MYO5B: variants seen among roughly 807,000 people sequenced by gnomAD.
MYO5B encodes unconventional myosin-Vb.
Under a neutral mutation model 229.3 loss-of-function variants are expected in MYO5B, and 143 were observed. That is an observed-to-expected ratio of 0.62 (90% CI 0.54 to 0.72). The LOEUF is 0.72. Ranked by LOEUF, MYO5B falls within the 30% of genes least tolerant of loss-of-function variation. The pLI is 0.00. For synonymous variants in MYO5B, 918 were observed against 885.2 expected (o/e 1.04, Z -0.66); for missense variants, 2,321 against 2,331.0 (o/e 1.00, Z 0.09).
In MYO5B at chr18:49,928,124, CAT is replaced by C. The variant is rs551925303; in HGVS notation, c.2090+1386_2090+1387del. On this transcript the variant is annotated intron_variant, in intron 17 of 39. Transcript: ENST00000285039. ...AGAAGATATACAAATGGCCAACAAACATGTGAAAAAATGCTCAACATCACTAA... is the reference window on the plus strand; with the variant it reads ...AGAAGATATACAAATGGCCAACAAACGTGAAAAAATGCTCAACATCACTAA... Among the ~76,000 whole-genome samples the C allele has an allele frequency of 2.6e-4, 39 of 152,164 alleles. No homozygotes were observed. In the East Asian group the frequency reaches 5.6e-3, roughly 22 times the overall value.
chr18:49,827,007 T>A (rs1352658420), intron 39 of MYO5B, among the ~76,000 whole-genome samples: 1 of 152,020 alleles, frequency 6.6e-6, no homozygotes, highest in Non-Finnish European at 1.5e-5. Context: ...CTGGGCAAAT[T>A]CCTGAATTTT....
chr18:49,851,762 G>A (rs1289936805), intron 31 of MYO5B, among the ~76,000 whole-genome samples: 9 of 152,150 alleles, frequency 5.9e-5, no homozygotes, highest in African/African-American at 1.9e-4. Flanking sequence ...CAAGCACCTT[G>A]TGCTGTGGTT....
In MYO5B at chr18:49,999,387, C is replaced by T. The variant is rs574713563; in HGVS notation, c.612+1868G>A. ...AAGGCCACAGTCCACAAACGGCTTC[C>T]GACCTGGGCCGTGGCCATGCCTCAG... On this transcript the variant is annotated intron_variant, in intron 5 of 39. Transcript: ENST00000285039. 5.3e-5 allele frequency among the ~76,000 whole-genome samples: 8 copies of T among 152,352 alleles called. No individual in the cohort carries two copies. In the South Asian group the frequency reaches 1.0e-3, roughly 20 times the overall value.
chr18:50,070,018 C>CTTTTTTTTTTTTTTTTTTTTT (rs765610800), intron 1 of MYO5B, among the ~76,000 whole-genome samples: 1 of 110,070 alleles, frequency 9.1e-6, no homozygotes, highest in African/African-American at 3.8e-5. Flanking sequence ...GCAATTTAGT[C>CTTTTTTTTTTTTTTTTTTTTT]TTTTTTTTTT....
intron 39 of MYO5B, among the ~76,000 whole-genome samples, chr18:49,834,012 C>T (rs557095407): frequency 1.5e-3 from 229 of 152,300 alleles, no homozygotes; most frequent in Non-Finnish European, 2.7e-3. Flanking sequence ...ACTTCCCAGA[C>T]GTTCCCTCTG....
chr18:49,910,690 G>C (rs917846826), intron 18 of MYO5B, among the ~76,000 whole-genome samples: 5 of 152,152 alleles, frequency 3.3e-5, no homozygotes, highest in African/African-American at 1.2e-4. Context: ...AGCTAGACTT[G>C]AGCAGCTAAG....
At chr18:50,006,748 A>T (rs887945342) in intron 4 of MYO5B, among the ~76,000 whole-genome samples, 13 of 152,004 alleles carry the variant, frequency 8.6e-5, no homozygotes, top group African/African-American at 3.1e-4. Context: ...ACCGGGAGAG[A>T]GAGTGATGCA....
rs41337246 is a variant in MYO5B, at chr18:50,114,692, A to G, written c.28-59314T>C. 8.0e-3 allele frequency among the ~76,000 whole-genome samples: 1,217 copies of G among 152,320 alleles called. 11 individuals are homozygous for G. The highest frequency in any genetic ancestry group is 0.027 in the African/African-American group (1,140 of 41,574). On this transcript the variant is annotated intron_variant, in intron 1 of 39. Transcript: ENST00000285039. ...AAAGAACTAGAGGACCAGAAATAAG[A>G]GTTCATCCTTCTACTTGAGTGGCCA...
chr18:49,923,514 A>C (rs951356481), intron 17 of MYO5B, among the ~76,000 whole-genome samples: 11 of 152,216 alleles, frequency 7.2e-5, no homozygotes, highest in African/African-American at 2.7e-4. Context: ...ACCATTTTGC[A>C]TGGAGACAGC....
intron 17 of MYO5B, among the ~76,000 whole-genome samples, chr18:49,928,294 A>G (rs955327133): frequency 1.3e-5 from 2 of 152,232 alleles, no homozygotes; most frequent in Admixed American, 1.3e-4. Context: ...GGGAATGTAA[A>G]CTAGAACAAC....
rs181093693 is a variant in MYO5B, at chr18:49,868,185, A to T, written c.3604-3805T>A. Among the ~76,000 whole-genome samples, 52 of 152,340 alleles carry T rather than the reference A, an allele frequency of 3.4e-4. No homozygotes were observed. The East Asian group carries it at 6.4e-3, about 19-fold the overall frequency. On this transcript the variant is annotated intron_variant, in intron 27 of 39. Transcript: ENST00000285039. ...CCAAATAATATCAGAGACTGCCTTT[A>T]AGTGGCAGGAATATGGATTTTTTAA...
In MYO5B at chr18:50,137,896, A is replaced by G. The variant is rs116742543; in HGVS notation, c.27+56871T>C. Among the ~76,000 whole-genome samples the G allele has an allele frequency of 2.7e-3, 409 of 152,314 alleles. 1 individual carries two copies. Among genetic ancestry groups the G allele is most frequent in the African/African-American group, 9.2e-3 (382 of 41,570 alleles). On this transcript the variant is annotated intron_variant, in intron 1 of 39. Transcript: ENST00000285039. ...ATGCAGGAACAGAAAATCAAATACC[A>G]TATGTTCTCACTTATAAATGGGAAC...
At position 49,860,040 on chromosome 18, in the gene MYO5B, C is replaced by A. The variant is rs189866772; in HGVS notation, c.3945-3150G>T. 7.2e-3 allele frequency among the ~76,000 whole-genome samples: 1,102 copies of A among 152,270 alleles called. 5 individuals carry two copies. Among genetic ancestry groups the A allele is most frequent in the Non-Finnish European group, 0.012 (840 of 68,004 alleles). ...GGTGCGCCCGACCAAGCCCAGGTGCCAATGCCTGGAGGCCTCCTGTCTTGC... is the reference window on the plus strand; with the variant it reads ...GGTGCGCCCGACCAAGCCCAGGTGCAAATGCCTGGAGGCCTCCTGTCTTGC... On this transcript the variant is annotated intron_variant, in intron 29 of 39. Coordinates refer to ENST00000285039, the MANE Select transcript of MYO5B (RefSeq NM_001080467.3).
At chr18:50,150,955 G>A (rs72921717) in intron 1 of MYO5B, among the ~76,000 whole-genome samples, 14,067 of 152,224 alleles carry the variant, frequency 0.092, 739 homozygotes, top group East Asian at 0.19. Flanking sequence ...CACAGGCAAG[G>A]CCTCTGCCCC....
chr18:50,176,629 G>T (rs2033000541), intron 1 of MYO5B, among the ~76,000 whole-genome samples: 1 of 152,084 alleles, frequency 6.6e-6, no homozygotes, highest in African/African-American at 2.4e-5. Context: ...ACTTCTTGAT[G>T]GTCAAAGAGC....
At chr18:50,064,599 T>C (rs1415802671) in intron 1 of MYO5B, among the ~76,000 whole-genome samples, 1 of 152,224 alleles carries the variant, frequency 6.6e-6, no homozygotes, top group African/African-American at 2.4e-5. Flanking sequence ...ATAATCCAAC[T>C]TTTAAAATCC....
chr18:49,967,319 C>A (rs912653209), intron 10 of MYO5B, among the ~76,000 whole-genome samples: 1 of 152,186 alleles, frequency 6.6e-6, no homozygotes, highest in Non-Finnish European at 1.5e-5. Flanking sequence ...AATAAAAAGT[C>A]AATTAGTCAC....
In MYO5B at chr18:50,159,577, A is replaced by C. The variant is rs547723988; in HGVS notation, c.27+35190T>G. Among the ~76,000 whole-genome samples the C allele has an allele frequency of 2.2e-4, 34 of 152,294 alleles. 1 individual carries two copies. The South Asian group carries it at 7.0e-3, about 32-fold the overall frequency. ...AGGCCACCGTGCTTCTCATGCTCAC[A>C]GTGGCTTTCTCTGCCCACATCATGT... On this transcript the variant is annotated intron_variant, in intron 1 of 39. Coordinates refer to ENST00000285039, the MANE Select transcript of MYO5B (RefSeq NM_001080467.3).
At chr18:50,190,152 C>G (rs2033207269) in intron 1 of MYO5B, among the ~76,000 whole-genome samples, 1 of 152,146 alleles carries the variant, frequency 6.6e-6, no homozygotes, top group South Asian at 2.1e-4. Flanking sequence ...TTTGAAATAG[C>G]AGTATTTAAA....
Sources: allele counts gnomAD v4.1 joint callset (sites outside exome capture counted in the v4.1 genomes callset), GRCh38; gene constraint gnomAD v4.1.1; transcripts MANE v1.5; gene names NCBI Gene and HGNC (gene_info 2026-07-23, HGNC 2026-07-21).